Variants in TSPAN14 observed in about 807,000 individuals in gnomAD.
The protein encoded by TSPAN14 is tetraspanin-14.
TSPAN14 carries 16 observed loss-of-function variants against 36.6 expected under a neutral mutation model. That is an observed-to-expected ratio of 0.44 (90% CI 0.30 to 0.66). The LOEUF (loss-of-function observed/expected upper bound fraction) is 0.66, where lower values mean the gene tolerates loss of function less well. TSPAN14 is among the 30% of genes least tolerant of loss of function. TSPAN14 has a pLI of 0.12. For missense variants in TSPAN14, 231 were observed against 355.1 expected, an observed-to-expected ratio of 0.65 and a Z score of 2.81; for synonymous variants, 139 against 143.8, an observed-to-expected ratio of 0.97 and a Z score of 0.24.
chr10:80,474,071 AC>A (rs1277994161), intron 1 of TSPAN14, among the ~76,000 whole-genome samples: 1 of 151,492 alleles, frequency 6.6e-6, no homozygotes, highest in Non-Finnish European at 1.5e-5. Flanking sequence ...GGCTCTAGAG[AC>A]CCCCTTCTCA....
intron 4 of TSPAN14, 75 bp downstream of exon 4, chr10:80,507,449 C>T (rs1033830508): frequency 3.1e-6 from 5 of 1,598,968 alleles, no homozygotes; most frequent in South Asian, 2.2e-5. Flanking sequence ...TTATATGTTA[C>T]CTGGTCAGAG....
chr10:80,472,092 G>A (rs988160625), intron 1 of TSPAN14, among the ~76,000 whole-genome samples: 3 of 152,066 alleles, frequency 2.0e-5, no homozygotes, highest in Admixed American at 6.6e-5. Flanking sequence ...GAGCTGTGAC[G>A]GTGCCACTGC....
intron 5 of TSPAN14, among the ~76,000 whole-genome samples, chr10:80,511,318 G>A (rs1434097471): frequency 2.0e-5 from 3 of 152,190 alleles, no homozygotes; most frequent in African/African-American, 4.8e-5. Flanking sequence ...TTTTCCTCAG[G>A]AGCAGACACT....
At chr10:80,521,611 G>T (rs1219798127) in exon 9 of TSPAN14, 1 of 152,124 alleles carries the variant, frequency 6.6e-6, no homozygotes, top group Non-Finnish European at 1.5e-5. Flanking sequence ...TCATTCATTT[G>T]GATGCCCTCC....
chr10:80,471,596 G>A (rs1386023666), intron 1 of TSPAN14, among the ~76,000 whole-genome samples: 1 of 152,204 alleles, frequency 6.6e-6, no homozygotes, highest in Non-Finnish European at 1.5e-5. Flanking sequence ...GATGATCAGG[G>A]TATGGGTATA....
In TSPAN14 at chr10:80,509,254, C is replaced by G. The variant is rs1394058289; in HGVS notation, c.280-47C>G. The G allele has an allele frequency of 8.8e-6, 14 of 1,586,922 alleles. No individual in the cohort carries two copies. In the African/African-American group the frequency reaches 1.7e-4, roughly 20 times the overall value. ...AGGTGGGGTTATGTGTGTGGGGGTG[C>G]AGGCTGGTGGGGTGGTGACTTCTGC... On this transcript the variant is annotated intron_variant, in intron 4 of 8. Transcript: ENST00000429989. The surrounding 1 kb of genome is among the most constrained non-coding windows in gnomAD (Gnocchi z 4.7).
intron 7 of TSPAN14, 143 bp downstream of exon 7, chr10:80,514,206 GCAC>G: frequency 1.4e-6 from 1 of 737,668 alleles, no homozygotes; most frequent in Non-Finnish European, 2.3e-6. Context: ...CTGAGCATAG[GCAC>G]AGGGTCACAT....
In TSPAN14 at chr10:80,516,236, G is replaced by A. The variant is rs772261181; in HGVS notation, c.654G>A (p.Thr218=). The A allele has an allele frequency of 4.5e-5, 73 of 1,614,120 alleles. 1 individual carries two copies. Among genetic ancestry groups the A allele is most frequent in the Middle Eastern group, 3.3e-4 (2 of 6,084 alleles). Residue 218 remains threonine, a synonymous_variant, in exon 8 of 9, where the codon ACG becomes ACA. Coordinates refer to ENST00000429989, the Ensembl canonical transcript of TSPAN14. ...GCAAGTGGGATGAGTCCATCTTCAC[G>A]AAAGGCTGCATCCAGGCGCTGGAAA...
intron 2 of TSPAN14, among the ~76,000 whole-genome samples, chr10:80,501,500 G>C (rs1409799232): frequency 6.6e-6 from 1 of 152,186 alleles, no homozygotes; most frequent in African/African-American, 2.4e-5. Flanking sequence ...GTGAAGTGCA[G>C]TGTGGAGGAG....
In TSPAN14 at chr10:80,509,534, G is replaced by A. The variant is rs1840496513; in HGVS notation, c.450+63G>A. On this transcript the variant is annotated intron_variant, in intron 5 of 8. Transcript: ENST00000429989. The surrounding 1 kb of genome is among the most constrained non-coding windows in gnomAD (Gnocchi z 4.7). The stretch of plus-strand genomic sequence containing the variant: ...ACCTCCCTGTGCTGCCTGGAGCTGA[G>A]TCTAGCAGGGGCATCAGGCCTTCTC... 1 of 1,551,808 alleles carries A rather than the reference G, an allele frequency of 6.4e-7. No homozygotes were observed. Among genetic ancestry groups the A allele is most frequent in the Non-Finnish European group, 8.8e-7 (1 of 1,141,494 alleles).
At position 80,517,990 on chromosome 10, in the gene TSPAN14, G is replaced by A. The variant is rs1220010007; in HGVS notation, c.*14G>A. ...CATCACTTCTGAGGAGCAGAGTTGAGGGAGCCGAGCTGAGCCACGCTGGGA... is the reference window on the plus strand; with the variant it reads ...CATCACTTCTGAGGAGCAGAGTTGAAGGAGCCGAGCTGAGCCACGCTGGGA... On this transcript the variant is annotated 3_prime_UTR_variant, in exon 9 of 9. Transcript: ENST00000429989. The A allele has an allele frequency of 6.4e-6, 10 of 1,555,134 alleles. No individual in the cohort carries two copies. In the South Asian group the frequency reaches 7.1e-5, roughly 11 times the overall value.
intron 6 of TSPAN14, among the ~76,000 whole-genome samples, chr10:80,513,011 G>C (rs1459371143): frequency 2.0e-5 from 3 of 152,122 alleles, no homozygotes; most frequent in Non-Finnish European, 4.4e-5. Flanking sequence ...CAATTCTCCA[G>C]CCTCAACCTC....
intron 7 of TSPAN14, 83 bp from the exon 8 acceptor site, chr10:80,516,121 G>C: frequency 1.2e-6 from 2 of 1,601,862 alleles, no homozygotes; most frequent in Non-Finnish European, 1.7e-6. Flanking sequence ...GCTTTGCCCT[G>C]CTCCTTACCA....
intron 1 of TSPAN14, among the ~76,000 whole-genome samples, chr10:80,467,645 A>T (rs780794766): frequency 1.3e-5 from 2 of 152,208 alleles, no homozygotes; most frequent in Non-Finnish European, 2.9e-5. Flanking sequence ...ATGTCATCAG[A>T]TGGAATTAAC....
chr10:80,462,211 A>G (rs907392527), intron 1 of TSPAN14, among the ~76,000 whole-genome samples: 1 of 152,146 alleles, frequency 6.6e-6, no homozygotes, highest in African/African-American at 2.4e-5. Flanking sequence ...TTCAGAAAGC[A>G]TCTTATTCTG....
At chr10:80,505,956 G>A (rs746948149) in intron 3 of TSPAN14, among the ~76,000 whole-genome samples, 1 of 152,236 alleles carries the variant, frequency 6.6e-6, no homozygotes, top group Non-Finnish European at 1.5e-5. Context: ...CTTCCTGTTC[G>A]AAATGTAGGA....
intron 1 of TSPAN14, among the ~76,000 whole-genome samples, chr10:80,475,385 G>T (rs1175279308): frequency 6.6e-6 from 1 of 152,198 alleles, no homozygotes; most frequent in Admixed American, 6.5e-5. Flanking sequence ...GGGCAACATA[G>T]TGAAACCCTA....
Position 80,507,221 on chromosome 10 carries a change from C to T in TSPAN14, c.133-7C>T. ...CAGTGCTGCCCTGCTTTCTCTGTCT[C>T]TTTCAGGGTGTGCTGTCCGACCTCA... is the stretch of plus-strand genomic sequence containing the variant. On this transcript the variant is annotated splice_polypyrimidine_tract_variant and splice_region_variant and intron_variant, in intron 3 of 8. Coordinates refer to ENST00000429989, the Ensembl canonical transcript of TSPAN14. 1 of 1,614,184 alleles carries T rather than the reference C, an allele frequency of 6.2e-7. No homozygotes were observed. Among genetic ancestry groups the T allele is most frequent in the Non-Finnish European group, 8.5e-7 (1 of 1,180,020 alleles).
chr10:80,489,647 T>C (rs561354170), intron 2 of TSPAN14, among the ~76,000 whole-genome samples: 1 of 152,340 alleles, frequency 6.6e-6, no homozygotes, highest in East Asian at 1.9e-4. Flanking sequence ...GCAAGGTACT[T>C]TGTGTGCATC....
Sources: gnomAD v4.1 joint callset for allele counts (sites outside exome capture counted in the v4.1 genomes callset) on GRCh38, gnomAD v4.1.1 for gene constraint, Gnocchi (gnomAD v3.1) non-coding constraint, MANE v1.5 for transcripts, NCBI Gene and HGNC (gene_info 2026-07-23, HGNC 2026-07-21) for gene names.